Variants in ANKFN1 observed in about 807,000 individuals in gnomAD.
ANKFN1 encodes ankyrin repeat and fibronectin type-III domain-containing protein 1.
ANKFN1 carries 74 observed loss-of-function variants against 108.7 expected under a neutral mutation model. The ratio of observed to expected loss-of-function variants is 0.68; its 90% CI spans 0.56 to 0.83. The LOEUF is 0.83. ANKFN1 is among the 40% of genes least tolerant of loss of function. The pLI is 0.00. For synonymous variants in ANKFN1, 547 were observed against 516.2 expected (o/e 1.06, Z -0.81); for missense variants, 1,505 against 1,382.3 (o/e 1.09, Z -1.41).
At chr17:56,120,137 C>T (rs900262663) in intron 4 of ANKFN1, among the ~76,000 whole-genome samples, 12 of 152,238 alleles carry the variant, frequency 7.9e-5, no homozygotes, top group African/African-American at 2.2e-4. Context: ...TTTACCATTT[C>T]GATTACATTA....
chr17:56,113,905 A>G lies in ANKFN1; in HGVS notation c.288+67580A>G, dbSNP rs571452000. On this transcript the variant is annotated intron_variant, in intron 4 of 12. Transcript: ENST00000635860. ...TTGATCCTTTGTAGAGCAGAGTCCAATTAGCCAGAGGGGAATGATTAATTA... is the reference window on the plus strand; with the variant it reads ...TTGATCCTTTGTAGAGCAGAGTCCAGTTAGCCAGAGGGGAATGATTAATTA... Among the ~76,000 whole-genome samples the G allele has an allele frequency of 7.2e-5, 11 of 152,308 alleles. No individual in the cohort carries two copies. The South Asian group carries it at 8.3e-4, about 11-fold the overall frequency.
chr17:56,206,883 G>C (rs1282419504), intron 1 of ANKFN1: 1 of 152,164 alleles, frequency 6.6e-6, no homozygotes, highest in Non-Finnish European at 1.5e-5. Flanking sequence ...TTGTGACTCA[G>C]TTCTATGCTA....
In ANKFN1 at chr17:56,351,021, G is replaced by C; in HGVS notation, c.390+54G>C. 4 of 1,552,254 alleles carry C rather than the reference G, an allele frequency of 2.6e-6. 1 individual carries two copies. In the South Asian group the frequency reaches 4.6e-5, roughly 18 times the overall value. The stretch of plus-strand genomic sequence containing the variant: ...AGTTTGATTTATTCATTTATGTTTG[G>C]GTTTAAGGATATTCTAAGATGATTC... On this transcript the variant is annotated intron_variant, in intron 5 of 20. Transcript: ENST00000682825.
intron 4 of ANKFN1, among the ~76,000 whole-genome samples, chr17:56,147,613 A>C (rs1278004428): frequency 6.6e-6 from 1 of 152,178 alleles, no homozygotes; most frequent in Non-Finnish European, 1.5e-5. Context: ...CCCATGATTC[A>C]CTTATCTCCA....
intron 11 of ANKFN1, among the ~76,000 whole-genome samples, chr17:56,449,913 T>C (rs2049426243): frequency 6.6e-6 from 1 of 152,230 alleles, no homozygotes; most frequent in Admixed American, 6.5e-5. Flanking sequence ...TTTCACCAGC[T>C]ACACCCAGAG....
rs1907314796 is a variant in ANKFN1 at position 56,132,042 on chromosome 17, C to A, written c.288+85717C>A. 2.0e-5 allele frequency among the ~76,000 whole-genome samples: 3 copies of A among 152,254 alleles called. No individual in the cohort carries two copies. In the South Asian group the frequency reaches 6.2e-4, roughly 32 times the overall value. On this transcript the variant is annotated intron_variant, in intron 4 of 12. Coordinates refer to the ANKFN1 transcript ENST00000635860. ...CTTTCAATGTAAGAATTCATGGCTT[C>A]ATTTACTGTTCACAGTTGTAGCTAT...
At chr17:56,389,607 T>C (rs565630092) in intron 8 of ANKFN1, among the ~76,000 whole-genome samples, 2 of 152,340 alleles carry the variant, frequency 1.3e-5, no homozygotes, top group African/African-American at 4.8e-5. Flanking sequence ...AAGCCAACAC[T>C]TGTGGAAGTG....
chr17:56,358,791 T>G (rs1327490643), intron 6 of ANKFN1, among the ~76,000 whole-genome samples: 1 of 152,120 alleles, frequency 6.6e-6, no homozygotes, highest in Non-Finnish European at 1.5e-5. Context: ...TTTCATACAC[T>G]TAGGATCCCA....
At chr17:56,229,866 A>C (rs1429241013) in intron 3 of ANKFN1, among the ~76,000 whole-genome samples, 1 of 151,986 alleles carries the variant, frequency 6.6e-6, no homozygotes, top group Non-Finnish European at 1.5e-5. Flanking sequence ...AAATGGGTCT[A>C]CCCAGCTCCC....
At chr17:56,252,990 A>T (rs571541134) in intron 3 of ANKFN1, among the ~76,000 whole-genome samples, 1 of 152,328 alleles carries the variant, frequency 6.6e-6, no homozygotes, top group Non-Finnish European at 1.5e-5. Flanking sequence ...TTAGCCCAGA[A>T]GTTTGAGGCT....
At chr17:56,158,990 T>A (rs1300739282) in intron 1 of ANKFN1, among the ~76,000 whole-genome samples, 3 of 138,804 alleles carry the variant, frequency 2.2e-5, no homozygotes, top group African/African-American at 8.5e-5. Flanking sequence ...CTAGCATTCT[T>A]ATTGATAGAA....
At chr17:56,085,164 A>G (rs958876358) in intron 4 of ANKFN1, among the ~76,000 whole-genome samples, 1 of 130,744 alleles carries the variant, frequency 7.6e-6, no homozygotes, top group Non-Finnish European at 1.6e-5. Context: ...CTCTGGTTAA[A>G]TGTTGCCCTC....
chr17:56,261,684 G>A (rs571395605), intron 3 of ANKFN1, among the ~76,000 whole-genome samples: 1 of 152,230 alleles, frequency 6.6e-6, no homozygotes, highest in South Asian at 2.1e-4. Context: ...AAAGATAAAG[G>A]CTGGAAGACT....
intron 8 of ANKFN1, among the ~76,000 whole-genome samples, chr17:56,421,506 A>T (rs558593740): frequency 3.0e-4 from 45 of 152,050 alleles, no homozygotes; most frequent in Non-Finnish European, 5.4e-4. Context: ...CTGATACTAA[A>T]CCTCTTTGGC....
intron 17 of ANKFN1, 142 bp downstream of exon 17, chr17:56,480,960 T>C: frequency 1.0e-6 from 1 of 1,003,340 alleles, no homozygotes; most frequent in Non-Finnish European, 1.5e-6. Context: ...TGCAAGTGCA[T>C]GCACATTTTG....
chr17:56,215,492 G>A (rs919384482), intron 2 of ANKFN1, among the ~76,000 whole-genome samples: 2 of 152,192 alleles, frequency 1.3e-5, no homozygotes, highest in Non-Finnish European at 2.9e-5. Flanking sequence ...ACAATGAAAG[G>A]GACAAGAACA....
At chr17:56,057,889 C>T (rs1045961891) in intron 4 of ANKFN1, among the ~76,000 whole-genome samples, 2 of 152,126 alleles carry the variant, frequency 1.3e-5, no homozygotes, top group Admixed American at 6.5e-5. Flanking sequence ...AGATCTCCAT[C>T]GGAGATCATC....
chr17:56,211,591 T>A (rs1001377062), intron 1 of ANKFN1, among the ~76,000 whole-genome samples: 12 of 152,142 alleles, frequency 7.9e-5, no homozygotes, highest in African/African-American at 2.9e-4. Flanking sequence ...CTATGCAGGC[T>A]TTTTTTGGTT....
intron 4 of ANKFN1, among the ~76,000 whole-genome samples, chr17:56,333,318 G>C (rs1346772959): frequency 6.6e-6 from 1 of 152,046 alleles, no homozygotes; most frequent in African/African-American, 2.4e-5. Context: ...CTTTTAATCA[G>C]ATTGAAGAGG....
Sources: allele counts gnomAD v4.1 joint callset (sites outside exome capture counted in the v4.1 genomes callset), GRCh38; gene constraint gnomAD v4.1.1; transcripts MANE v1.5; gene names NCBI Gene and HGNC (gene_info 2026-07-23, HGNC 2026-07-21).